ERBB4: variants seen among roughly 807,000 people sequenced by gnomAD.
ERBB4 encodes the protein receptor tyrosine-protein kinase erbB-4.
A neutral mutation model predicts 158.0 loss-of-function variants in ERBB4; 42 were observed. The observed-to-expected ratio is 0.27, with a 90% confidence interval of 0.21 to 0.34. The LOEUF is 0.34. ERBB4 is among the 10% of genes least tolerant of loss of function. The probability of loss-of-function intolerance (pLI) is 1.00; values close to 1 mark genes in which losing one functional copy is unlikely to be tolerated. For synonymous variants in ERBB4, 583 were observed against 558.7 expected (o/e 1.04, Z -0.61); for missense variants, 1,333 against 1,624.1 (o/e 0.82, Z 3.08).
chr2:212,313,351 T>C (rs762783822), intron 1 of ERBB4, among the ~76,000 whole-genome samples: 5 of 150,882 alleles, frequency 3.3e-5, no homozygotes, highest in Admixed American at 6.6e-5. Context: ...AAATTTATTC[T>C]GCCTACATGG....
intron 27 of ERBB4, among the ~76,000 whole-genome samples, 196 bp downstream of exon 27, chr2:211,386,657 T>C (rs2062690440): frequency 6.6e-6 from 1 of 152,224 alleles, no homozygotes; most frequent in South Asian, 2.1e-4. Context: ...CCTGAGATTC[T>C]GATTTATATA....
At chr2:212,502,729 C>A (rs1690962543) in intron 1 of ERBB4, among the ~76,000 whole-genome samples, 1 of 152,116 alleles carries the variant, frequency 6.6e-6, no homozygotes, top group African/African-American at 2.4e-5. Flanking sequence ...TAAGAGCCAA[C>A]CTTAGCTCTT....
chr2:212,263,778 T>G (rs2085031549), intron 1 of ERBB4, among the ~76,000 whole-genome samples: 1 of 152,006 alleles, frequency 6.6e-6, no homozygotes, highest in East Asian at 1.9e-4. Flanking sequence ...CAGTAAAACT[T>G]GACCACCAGA....
chr2:212,312,188 C>CTACT (rs1201101593), intron 1 of ERBB4, among the ~76,000 whole-genome samples: 3 of 150,996 alleles, frequency 2.0e-5, no homozygotes, highest in African/African-American at 7.3e-5. Flanking sequence ...CTTCAAGGAA[C>CTACT]TACTCTAGGA....
intron 3 of ERBB4, among the ~76,000 whole-genome samples, chr2:211,932,292 A>C (rs1489932266): frequency 1.3e-5 from 2 of 151,920 alleles, no homozygotes; most frequent in Non-Finnish European, 1.5e-5. Flanking sequence ...ACCATTTCTG[A>C]CTTTATGCGT....
rs1467141770 is a variant in ERBB4, at chr2:211,380,992, A to T, written c.*2623T>A. ...AGTATCCAAAAAGAGGGCTGTGATG[A>T]CTCGATGCAGATTTATTTAGAAAGG... On this transcript the variant is annotated 3_prime_UTR_variant, in exon 28 of 28. Coordinates refer to ENST00000342788, the MANE Select transcript of ERBB4 (RefSeq NM_005235.3). The T allele has an allele frequency of 4.3e-6, 1 of 232,226 alleles. No homozygotes were observed. Among genetic ancestry groups the T allele is most frequent in the Non-Finnish European group, 8.5e-6 (1 of 117,534 alleles). The allele number at this position is 232,226 out of a possible 1,614,324, so 14.4% of individuals were successfully genotyped here. A position where few individuals can be genotyped will look rare whatever the true frequency, so the allele number is the denominator to read the frequency against.
intron 1 of ERBB4, among the ~76,000 whole-genome samples, chr2:212,166,743 C>T (rs1034009010): frequency 6.6e-6 from 1 of 152,020 alleles, no homozygotes; most frequent in South Asian, 2.1e-4. Context: ...CCAAAACAGA[C>T]ATATAGACCA....
intron 1 of ERBB4, among the ~76,000 whole-genome samples, chr2:212,431,798 C>G (rs141037167): frequency 6.6e-6 from 1 of 152,146 alleles, no homozygotes; most frequent in Non-Finnish European, 1.5e-5. Flanking sequence ...CATGCTTTCA[C>G]CAGCATCTTC....
At chr2:212,030,822 C>A (rs1391284020) in intron 2 of ERBB4, among the ~76,000 whole-genome samples, 2 of 152,046 alleles carry the variant, frequency 1.3e-5, no homozygotes, top group Non-Finnish European at 2.9e-5. Flanking sequence ...GAGAAAGTTC[C>A]AGGAGGTAAA....
chr2:211,406,065 C>T (rs2063141160), intron 25 of ERBB4, among the ~76,000 whole-genome samples: 1 of 152,148 alleles, frequency 6.6e-6, no homozygotes, highest in Non-Finnish European at 1.5e-5. Flanking sequence ...TTTTAATTCA[C>T]ATATTAAAAA....
chr2:212,092,764 C>A (rs1402131832), intron 2 of ERBB4, among the ~76,000 whole-genome samples: 1 of 151,938 alleles, frequency 6.6e-6, no homozygotes, highest in African/African-American at 2.4e-5. Context: ...TGGAGTTGAA[C>A]AATGAGAACA....
At chr2:212,050,233 G>GT (rs1430213949) in intron 2 of ERBB4, among the ~76,000 whole-genome samples, 1 of 151,954 alleles carries the variant, frequency 6.6e-6, no homozygotes, top group East Asian at 1.9e-4. Flanking sequence ...TCAGGTAATC[G>GT]TATCAGAAAA....
At chr2:211,762,049 T>C (rs778149735) in intron 4 of ERBB4, among the ~76,000 whole-genome samples, 2 of 152,224 alleles carry the variant, frequency 1.3e-5, no homozygotes, top group Non-Finnish European at 2.9e-5. Flanking sequence ...GAATATCACA[T>C]GCAAAGTACC....
In ERBB4 at chr2:212,320,329, A is replaced by ACTT. The variant is rs1449540195; in HGVS notation, c.83-195429_83-195427dup. On this transcript the variant is annotated intron_variant, in intron 1 of 27. Transcript: ENST00000342788. The stretch of plus-strand genomic sequence containing the variant: ...GTTTCAAGTACAGTCTTTTTTTTTT[A>ACTT]CTTCTTCTTCTTCTTGGTAATAGTG... 1.4e-5 allele frequency among the ~76,000 whole-genome samples: 2 copies of ACTT among 144,886 alleles called. 1 individual carries two copies. The highest frequency in any genetic ancestry group is 4.0e-4 in the East Asian group (2 of 5,056).
At chr2:212,060,124 C>G (rs990695398) in intron 2 of ERBB4, among the ~76,000 whole-genome samples, 2 of 152,076 alleles carry the variant, frequency 1.3e-5, no homozygotes, top group Non-Finnish European at 2.9e-5. Flanking sequence ...AAAAAACGAA[C>G]AATTCCATCA....
chr2:212,097,623 T>C (rs2078968631), intron 2 of ERBB4, among the ~76,000 whole-genome samples: 1 of 152,074 alleles, frequency 6.6e-6, no homozygotes, highest in Non-Finnish European at 1.5e-5. Context: ...ACTATCAATA[T>C]TTAAATGGTG....
intron 5 of ERBB4, among the ~76,000 whole-genome samples, chr2:211,746,799 C>T (rs143337308): frequency 7.5e-5 from 11 of 146,968 alleles, no homozygotes; most frequent in Non-Finnish European, 1.2e-4. Context: ...CACCGCACTC[C>T]AGCCTGGGTG....
Position 211,375,766 on chromosome 2 carries a change from A to C in ERBB4, c.*7849T>G. On this transcript the variant is annotated 3_prime_UTR_variant, in exon 28 of 28. Transcript: ENST00000342788. ...ATTTCATTTATATTAAATTAAAAAT[A>C]TATTTCTGACAGATTCATGTAACAA... 4.3e-6 allele frequency: 1 copy of C among 231,332 alleles called. No individual in the cohort carries two copies. Among genetic ancestry groups the C allele is most frequent in the Non-Finnish European group, 8.6e-6 (1 of 116,548 alleles). 14.3% of individuals were successfully genotyped at this position (231,332 alleles called of 1,614,324 possible). A position where few individuals can be genotyped will look rare whatever the true frequency, so the allele number is the denominator to read the frequency against.
intron 1 of ERBB4, among the ~76,000 whole-genome samples, chr2:212,275,551 G>A (rs1191678173): frequency 1.3e-5 from 2 of 151,586 alleles, no homozygotes; most frequent in Admixed American, 6.6e-5. Flanking sequence ...TCATATGTTT[G>A]TTGGAATTTC....
Sources: gnomAD v4.1 joint callset for allele counts (sites outside exome capture counted in the v4.1 genomes callset) on GRCh38, gnomAD v4.1.1 for gene constraint, MANE v1.5 for transcripts, NCBI Gene and HGNC (gene_info 2026-07-23, HGNC 2026-07-21) for gene names.